The following R3HDM1 variants were observed in gnomAD, a reference collection of about 807,000 sequenced individuals.
R3HDM1 encodes R3H domain-containing protein 1.
In R3HDM1, 46 loss-of-function variants were observed where a neutral mutation model predicts 141.1. The observed-to-expected ratio is 0.33, with a 90% CI of 0.26 to 0.42. The LOEUF is 0.42. R3HDM1 is among the 10% of genes least tolerant of loss of function. The pLI, the probability that R3HDM1 is intolerant of heterozygous loss-of-function variation, is 1.00. For missense variants in R3HDM1, 1,184 were observed against 1,368.3 expected, an observed-to-expected ratio of 0.87 and a Z score of 2.12; for synonymous variants, 435 against 472.9, an observed-to-expected ratio of 0.92 and a Z score of 1.04.
chr2:135,598,177 C>T (rs1186281123), intron 1 of R3HDM1, among the ~76,000 whole-genome samples: 1 of 152,118 alleles, frequency 6.6e-6, no homozygotes, highest in Non-Finnish European at 1.5e-5. Context: ...TCTCATTGTT[C>T]CTTAGCCACA....
intron 1 of R3HDM1, among the ~76,000 whole-genome samples, chr2:135,567,015 A>G (rs962871179): frequency 1.3e-5 from 2 of 151,140 alleles, no homozygotes; most frequent in African/African-American, 4.9e-5. Flanking sequence ...GATGCTTTCT[A>G]CCTTGCTGTT....
At chr2:135,722,363 A>C in intron 25 of R3HDM1, 106 bp from the exon 26 acceptor site, 1 of 1,155,654 alleles carries the variant, frequency 8.7e-7, no homozygotes, top group South Asian at 1.5e-5. Flanking sequence ...CTTCTGCCAG[A>C]GTGCAAAACC....
chr2:135,577,154 A>G (rs72988435), intron 1 of R3HDM1: 24,202 of 981,552 alleles, frequency 0.025, 1,120 homozygotes, highest in African/African-American at 0.18. Flanking sequence ...TGTATGAAAA[A>G]GGCTTTTGGG....
At chr2:135,642,303 T>C (rs2063882942) in intron 15 of R3HDM1, among the ~76,000 whole-genome samples, 2 of 151,904 alleles carry the variant, frequency 1.3e-5, no homozygotes, top group Non-Finnish European at 2.9e-5. Flanking sequence ...AAAAAAAAAT[T>C]GGGGGGAGTC....
At chr2:135,583,755 G>C (rs922265520) in intron 1 of R3HDM1, 4 of 985,276 alleles carry the variant, frequency 4.1e-6, no homozygotes, top group Non-Finnish European at 4.8e-6. Flanking sequence ...TACCTGTAAA[G>C]GTTGAGATCT....
Position 135,715,472 on chromosome 2 carries a change from C to T in R3HDM1, c.2737-78C>T, listed in dbSNP as rs544951001. ...TGTTTGAATTATTTTCTAACAAGTA[C>T]GTATATGTAATCAGGAAGAATAAAA... On this transcript the variant is annotated intron_variant, in intron 23 of 26. Transcript: ENST00000683871. The T allele has an allele frequency of 2.0e-3, 2,935 of 1,451,384 alleles. 4 individuals carry two copies. Among genetic ancestry groups the T allele is most frequent in the South Asian group, 3.3e-3 (257 of 77,332 alleles). The allele number at this position is 1,451,384 out of a possible 1,614,324, so 89.9% of individuals were successfully genotyped here. A position where few individuals can be genotyped will look rare whatever the true frequency, so the allele number is the denominator to read the frequency against.
chr2:135,720,732 T>G (rs2076622437), intron 24 of R3HDM1, among the ~76,000 whole-genome samples: 1 of 152,212 alleles, frequency 6.6e-6, no homozygotes, highest in Non-Finnish European at 1.5e-5. Flanking sequence ...ACTTAAGACC[T>G]AGGATGTACA....
chr2:135,552,345 A>G (rs1307655439), intron 1 of R3HDM1, among the ~76,000 whole-genome samples: 2 of 151,842 alleles, frequency 1.3e-5, no homozygotes, highest in Admixed American at 6.6e-5. Flanking sequence ...ATAGGCACAC[A>G]CCACCACACC....
At chr2:135,583,983 C>T (rs1219686122) in intron 1 of R3HDM1, 1 of 985,120 alleles carries the variant, frequency 1.0e-6, no homozygotes, top group Non-Finnish European at 1.2e-6. Flanking sequence ...CTGGACATTC[C>T]AAAATGGATA....
chr2:135,553,894 T>A (rs2104936567), intron 1 of R3HDM1, among the ~76,000 whole-genome samples: 1 of 152,372 alleles, frequency 6.6e-6, no homozygotes, highest in South Asian at 2.1e-4. Context: ...TTCGCCATGT[T>A]GGCAAGGCTG....
rs528131006 is a variant in R3HDM1 at position 135,621,284 on chromosome 2, T to G, written c.304-210T>G. On this transcript the variant is annotated intron_variant, in intron 5 of 26. Transcript: ENST00000683871. ...TGAGGATTTGTTTTAATTGATATAT[T>G]CAACTCAGAACGTTAGTTTTACATT... Among the ~76,000 whole-genome samples the G allele has an allele frequency of 2.0e-5, 3 of 152,182 alleles. No individual in the cohort carries two copies. In the South Asian group the frequency reaches 6.2e-4, roughly 31 times the overall value.
At chr2:135,702,217 GAAAAAAA>G (rs35183953) in intron 21 of R3HDM1, among the ~76,000 whole-genome samples, 5 of 120,858 alleles carry the variant, frequency 4.1e-5, no homozygotes, top group African/African-American at 1.6e-4. Flanking sequence ...GTCTCAGGGG[GAAAAAAA>G]AAAAAAAAAA....
chr2:135,564,638 T>G (rs1380991308), intron 1 of R3HDM1, among the ~76,000 whole-genome samples: 1 of 152,194 alleles, frequency 6.6e-6, no homozygotes, highest in African/African-American at 2.4e-5. Flanking sequence ...GCAGAAAAAT[T>G]TCTATAGTGC....
intron 17 of R3HDM1, chr2:135,650,418 C>T (rs1335575692): frequency 1.0e-6 from 1 of 983,708 alleles, no homozygotes; most frequent in Non-Finnish European, 1.2e-6. Context: ...TTGTAGCTTA[C>T]AGCTACAGAG....
At position 135,680,075 on chromosome 2, in the gene R3HDM1, A is replaced by C; in HGVS notation, c.2308-98A>C. On this transcript the variant is annotated intron_variant, in intron 20 of 26. Coordinates refer to ENST00000683871, the MANE Select transcript of R3HDM1 (RefSeq NM_001378107.1). ...AGCCTGGGCAACAGAGCAAGAATTCATCTCGAAAAAAATAAAGTTTATGGA... is the reference window on the plus strand; with the variant it reads ...AGCCTGGGCAACAGAGCAAGAATTCCTCTCGAAAAAAATAAAGTTTATGGA... 3 of 1,262,158 alleles carry C rather than the reference A, an allele frequency of 2.4e-6. No homozygotes were observed. The South Asian group carries it at 4.2e-5, about 18-fold the overall frequency. 78.2% of individuals were successfully genotyped at this position (1,262,158 alleles called of 1,614,324 possible).
chr2:135,646,701 T>G (rs1434740068), intron 16 of R3HDM1, among the ~76,000 whole-genome samples: 1 of 151,110 alleles, frequency 6.6e-6, no homozygotes. Context: ...ATACAAAAAT[T>G]AGTCGGGTGT....
chr2:135,600,103 ATTTTTTTTTTT>A (rs1047714227), intron 1 of R3HDM1, among the ~76,000 whole-genome samples: 7 of 93,516 alleles, frequency 7.5e-5, no homozygotes, highest in African/African-American at 3.3e-4. Context: ...AGTTCGTATG[ATTTTTTTTTTT>A]TTTTTTTTTT....
chr2:135,675,608 CT>C (rs1174489348), intron 20 of R3HDM1, 122 bp downstream of exon 20: 4 of 1,011,772 alleles, frequency 4.0e-6, no homozygotes, highest in Non-Finnish European at 5.5e-6. Flanking sequence ...AATATACAAC[CT>C]TTTAATACAG....
intron 1 of R3HDM1, among the ~76,000 whole-genome samples, chr2:135,558,682 G>A (rs1162932977): frequency 6.6e-6 from 1 of 152,174 alleles, no homozygotes; most frequent in Admixed American, 6.5e-5. Context: ...AGCTGTAGCA[G>A]TTGAACAGTT....
Sources: allele counts gnomAD v4.1 joint callset (sites outside exome capture counted in the v4.1 genomes callset), GRCh38; gene constraint gnomAD v4.1.1; transcripts MANE v1.5; gene names NCBI Gene and HGNC (gene_info 2026-07-23, HGNC 2026-07-21).